OSBPL6: variants seen among roughly 807,000 people sequenced by gnomAD.
OSBPL6 encodes oxysterol binding protein like 6, also known as oxysterol-binding protein-related protein 6.
A neutral mutation model predicts 125.8 loss-of-function variants in OSBPL6; 49 were observed. That is an observed-to-expected ratio of 0.39 (90% CI 0.31 to 0.49). The LOEUF is 0.49. Ranked by LOEUF, OSBPL6 falls within the 20% of genes least tolerant of loss-of-function variation. The pLI, the probability that OSBPL6 is intolerant of heterozygous loss-of-function variation, is 0.88. For missense variants in OSBPL6, 986 were observed against 1,135.4 expected (o/e 0.87, Z 1.89); for synonymous variants, 394 against 391.8 (o/e 1.01, Z -0.07).
chr2:178,294,720 T>TTTC (rs1248193574), intron 2 of OSBPL6, among the ~76,000 whole-genome samples: 2 of 151,800 alleles, frequency 1.3e-5, no homozygotes, highest in Admixed American at 1.3e-4. Flanking sequence ...ACAGCTATTT[T>TTTC]TTTTTTTTTT....
At chr2:178,209,353 CTT>C (rs2089718917) in intron 1 of OSBPL6, among the ~76,000 whole-genome samples, 1 of 150,098 alleles carries the variant, frequency 6.7e-6, no homozygotes, top group South Asian at 2.1e-4. Flanking sequence ...CCCTTTTCCT[CTT>C]TTTATTTTCT....
intron 9 of OSBPL6, among the ~76,000 whole-genome samples, chr2:178,336,683 G>A (rs1466091879): frequency 5.3e-5 from 8 of 151,988 alleles, no homozygotes; most frequent in Admixed American, 4.6e-4. Context: ...CCTTTCCCCT[G>A]ACTTCTACCC....
chr2:178,240,444 C>T (rs1324769408), intron 1 of OSBPL6, among the ~76,000 whole-genome samples: 6 of 152,070 alleles, frequency 3.9e-5, no homozygotes, highest in South Asian at 4.2e-4. Flanking sequence ...TGGTGCACAC[C>T]GTAGTTTCAG....
rs757819185 is a variant in OSBPL6 at position 178,382,505 on chromosome 2, A to C, written c.1619A>C (p.Gln540Pro). The C allele has an allele frequency of 6.2e-7, 1 of 1,614,150 alleles. No individual in the cohort carries two copies. Among genetic ancestry groups the C allele is most frequent in the Non-Finnish European group, 8.5e-7 (1 of 1,180,028 alleles). ...NTSVADNISR[Q>P]ILNGELTGGA... ...AGTGTTGCAGACAATATTTCTCGGC[A>C]AAGTATGCATCATTTGAGCTTCCAG... is the stretch of plus-strand genomic sequence containing the variant. The change falls in exon 16 of 25, where the codon CAA becomes CCA. Residue 540 changes from glutamine (Q) to proline (P), a missense_variant and splice_region_variant. By Grantham distance (76) the Gln-to-Pro change is moderately conservative (BLOSUM62 -1). Transcript: ENST00000190611.
At chr2:178,207,602 C>T (rs1350941893) in intron 1 of OSBPL6, among the ~76,000 whole-genome samples, 4 of 152,146 alleles carry the variant, frequency 2.6e-5, no homozygotes, top group African/African-American at 9.7e-5. Context: ...GCTGTGAGTA[C>T]ATCTGCATCA....
At chr2:178,195,241 G>A (rs981742817) in intron 1 of OSBPL6, among the ~76,000 whole-genome samples, 3 of 152,086 alleles carry the variant, frequency 2.0e-5, no homozygotes, top group African/African-American at 7.2e-5. Context: ...TGCCCTCGCG[G>A]GGCACCCCTG....
At chr2:178,294,178 C>G (rs1490581957) in intron 2 of OSBPL6, among the ~76,000 whole-genome samples, 2 of 152,094 alleles carry the variant, frequency 1.3e-5, no homozygotes, top group Non-Finnish European at 2.9e-5. Context: ...GTTTCTCTTT[C>G]AATTATTTTA....
chr2:178,263,806 CGTGT>C (rs71393413), intron 1 of OSBPL6, among the ~76,000 whole-genome samples: 21,200 of 147,774 alleles, frequency 0.14, 1,604 homozygotes, highest in Admixed American at 0.22. Flanking sequence ...ACTGTGTACA[CGTGT>C]GTGTGTGTGT....
At chr2:178,362,710 G>A (rs867265082) in intron 13 of OSBPL6, among the ~76,000 whole-genome samples, 3 of 152,102 alleles carry the variant, frequency 2.0e-5, no homozygotes, top group Admixed American at 6.5e-5. Context: ...CCGTGTCACC[G>A]TGTTTTACGT....
intron 1 of OSBPL6, among the ~76,000 whole-genome samples, chr2:178,276,397 GA>G (rs1465459856): frequency 6.3e-5 from 9 of 142,620 alleles, no homozygotes; most frequent in African/African-American, 2.2e-4. Flanking sequence ...TTTTGAGACG[GA>G]GTCTCGCTCT....
chr2:178,349,711 G>T (rs1429022715), intron 12 of OSBPL6, among the ~76,000 whole-genome samples: 1 of 152,208 alleles, frequency 6.6e-6, no homozygotes, highest in East Asian at 1.9e-4. Flanking sequence ...CGTATTTATT[G>T]GTTCTCTTTA....
At chr2:178,234,965 C>T (rs983004442) in intron 1 of OSBPL6, among the ~76,000 whole-genome samples, 3 of 152,186 alleles carry the variant, frequency 2.0e-5, no homozygotes, top group African/African-American at 7.2e-5. Flanking sequence ...AATCATGCCA[C>T]TCACTCTTAC....
At chr2:178,329,618 G>A (rs1337906209) in intron 5 of OSBPL6, among the ~76,000 whole-genome samples, 2 of 151,784 alleles carry the variant, frequency 1.3e-5, no homozygotes, top group African/African-American at 4.8e-5. Context: ...GTAGAGATTG[G>A]GTTTCACCAT....
intron 1 of OSBPL6, among the ~76,000 whole-genome samples, chr2:178,228,443 A>G (rs759017152): frequency 1.1e-3 from 175 of 152,312 alleles, no homozygotes; most frequent in East Asian, 2.5e-3. Context: ...GCTGAGGCAG[A>G]AGAATGGCGT....
At chr2:178,233,295 C>T (rs775473430) in intron 1 of OSBPL6, among the ~76,000 whole-genome samples, 4 of 152,166 alleles carry the variant, frequency 2.6e-5, no homozygotes, top group Non-Finnish European at 4.4e-5. Flanking sequence ...AGTTAGAAAT[C>T]GGGTGGCAAC....
At chr2:178,298,905 G>A (rs1686013926) in intron 2 of OSBPL6, among the ~76,000 whole-genome samples, 1 of 152,120 alleles carries the variant, frequency 6.6e-6, no homozygotes, top group Admixed American at 6.5e-5. Flanking sequence ...GACATGTACT[G>A]TTGAAATCAT....
At chr2:178,269,921 AT>A (rs1190934236) in intron 1 of OSBPL6, among the ~76,000 whole-genome samples, 1 of 152,228 alleles carries the variant, frequency 6.6e-6, no homozygotes, top group East Asian at 1.9e-4. Context: ...GGTTCATGTC[AT>A]TCATCCCAAC....
intron 1 of OSBPL6, among the ~76,000 whole-genome samples, chr2:178,254,811 A>C (rs1356276099): frequency 2.0e-5 from 3 of 152,210 alleles, no homozygotes; most frequent in Non-Finnish European, 2.9e-5. Flanking sequence ...CTGCTCACTC[A>C]CTGGTGCTTT....
At position 178,332,670 on chromosome 2, in the gene OSBPL6, A is replaced by G; in HGVS notation, c.402A>G (p.Ile134Met). ...AGAAAGGAAAGGTCCATGGGAGCATAGATGTGGGACTCTCAGTCATGTCAA... is the reference window on the plus strand; with the variant it reads ...AGAAAGGAAAGGTCCATGGGAGCATGGATGTGGGACTCTCAGTCATGTCAA... ...DIQKGKVHGS[I>M]DVGLSVMSIK... Residue 134 changes from isoleucine (I) to methionine (M), a missense_variant, in exon 7 of 25, where the codon ATA (isoleucine) becomes ATG (methionine). Coordinates refer to ENST00000190611, the MANE Select transcript of OSBPL6 (RefSeq NM_032523.4). The G allele has an allele frequency of 1.2e-6, 2 of 1,614,092 alleles. No homozygotes were observed. The highest frequency in any genetic ancestry group is 8.5e-7 in the Non-Finnish European group (1 of 1,179,922).
Sources: allele counts gnomAD v4.1 joint callset (sites outside exome capture counted in the v4.1 genomes callset), GRCh38; gene constraint gnomAD v4.1.1; transcripts MANE v1.5; gene names NCBI Gene and HGNC (gene_info 2026-07-23, HGNC 2026-07-21).